The following CCDC28A variants were observed in gnomAD, a reference collection of about 807,000 sequenced individuals.
CCDC28A encodes the protein coiled-coil domain-containing protein 28A.
Under a neutral mutation model 22.1 loss-of-function variants are expected in CCDC28A, and 24 were observed. The ratio of observed to expected loss-of-function variants is 1.09; its 90% confidence interval spans 0.79 to 1.53. CCDC28A has a LOEUF of 1.53. Among genes scored for constraint, CCDC28A ranks in the 40% most tolerant of loss-of-function variants. The pLI, the probability that CCDC28A is intolerant of heterozygous loss-of-function variation, is 0.00. For missense variants in CCDC28A, 170 were observed against 210.7 expected (o/e 0.81, Z 1.20); for synonymous variants, 83 against 74.7 (o/e 1.11, Z -0.57).
Position 138,792,736 on chromosome 6 carries a change from CTGAT to C in CCDC28A, c.501-11_501-8del, listed in dbSNP as rs774693463. On this transcript the variant is annotated splice_polypyrimidine_tract_variant and intron_variant, in intron 5 of 5. Transcript: ENST00000617445. ...CCTTATAGAATGAAAATCTTCTTAACTGATTAATTCAGACAAAAACTCCATTTGG... is the reference window on the plus strand; with the variant it reads ...CCTTATAGAATGAAAATCTTCTTAACTAATTCAGACAAAAACTCCATTTGG... The C allele has an allele frequency of 6.4e-7, 1 of 1,570,494 alleles. No individual in the cohort carries two copies. Among genetic ancestry groups the C allele is most frequent in the Non-Finnish European group, 8.7e-7 (1 of 1,144,298 alleles).
Position 138,776,290 on chromosome 6 carries a change from T to C in CCDC28A, c.158+12T>C, listed in dbSNP as rs954116457. Reference sequence around the variant, plus strand: ...CCAAAGTTAAAAAGGTGAATTCTTTTATTTTACATGTTCACAGTAAAATGC... The same window carrying C: ...CCAAAGTTAAAAAGGTGAATTCTTTCATTTTACATGTTCACAGTAAAATGC... On this transcript the variant is annotated intron_variant, in intron 2 of 5. Transcript: ENST00000617445. 1.9e-6 allele frequency: 3 copies of C among 1,591,048 alleles called. No homozygotes were observed. The highest frequency in any genetic ancestry group is 1.7e-5 in the Admixed American group (1 of 59,996).
intron 4 of CCDC28A, among the ~76,000 whole-genome samples, chr6:138,786,199 T>C (rs762810349): frequency 1.2e-4 from 18 of 152,316 alleles, no homozygotes; most frequent in East Asian, 7.7e-4. Flanking sequence ...GCCAGTCACA[T>C]TGGATGAGAG....
At chr6:138,773,954 C>G in intron 1 of CCDC28A, 52 bp downstream of exon 1, 1 of 1,596,314 alleles carries the variant, frequency 6.3e-7, no homozygotes, top group Non-Finnish European at 8.5e-7. Flanking sequence ...TAGGCCCTTC[C>G]CACCACTCTG....
Position 138,785,207 on chromosome 6 carries a change from T to C in CCDC28A, c.323-20T>C. ...TTTGAACTGTCCTAATCATTATTAA[T>C]GTTCTGGAATGTTCCCAAGGAAATG... On this transcript the variant is annotated intron_variant, in intron 3 of 5. Transcript: ENST00000617445. The C allele has an allele frequency of 2.5e-6, 4 of 1,597,140 alleles. No individual in the cohort carries two copies. The South Asian group carries it at 3.3e-5, about 13-fold the overall frequency.
chr6:138,783,321 G>A (rs1051815645), intron 3 of CCDC28A, among the ~76,000 whole-genome samples: 2 of 143,620 alleles, frequency 1.4e-5, no homozygotes, highest in African/African-American at 5.2e-5. Context: ...AGGCTGGAGT[G>A]CAGTGGTATG....
intron 1 of CCDC28A, among the ~76,000 whole-genome samples, chr6:138,775,079 A>G (rs902919357): frequency 1.3e-5 from 2 of 152,214 alleles, no homozygotes; most frequent in Admixed American, 6.5e-5. Context: ...AGCTGGGACT[A>G]CAGGCGCCCG....
chr6:138,780,231 TAA>T (rs1471817373), intron 3 of CCDC28A, among the ~76,000 whole-genome samples: 1 of 152,226 alleles, frequency 6.6e-6, no homozygotes, highest in Non-Finnish European at 1.5e-5. Flanking sequence ...CATTATGGAA[TAA>T]GTATCTTGCA....
rs1314395544 is a variant in CCDC28A at position 138,779,817 on chromosome 6, T to G, written c.159-5T>G. On this transcript the variant is annotated splice_polypyrimidine_tract_variant and splice_region_variant and intron_variant, in intron 2 of 5. Transcript: ENST00000617445. The stretch of plus-strand genomic sequence containing the variant: ...TAAAAAGCCTAAATTTCATCGTCTT[T>G]ACAGAGTGATGAAAGAAAAGACCAA... The G allele has an allele frequency of 6.2e-7, 1 of 1,608,964 alleles. No individual in the cohort carries two copies. Among genetic ancestry groups the G allele is most frequent in the Non-Finnish European group, 8.5e-7 (1 of 1,178,134 alleles).
chr6:138,780,733 A>G (rs1248383395), intron 3 of CCDC28A, among the ~76,000 whole-genome samples: 1 of 151,814 alleles, frequency 6.6e-6, no homozygotes, highest in Non-Finnish European at 1.5e-5. Context: ...TGCCACGGCC[A>G]GCTAATTTTT....
intron 5 of CCDC28A, 80 bp downstream of exon 5, chr6:138,788,468 G>T: frequency 1.5e-6 from 1 of 650,356 alleles, no homozygotes; most frequent in Non-Finnish European, 2.5e-6. Flanking sequence ...GTTTTAGAAA[G>T]ATGTGTTATT....
chr6:138,787,778 C>T (rs924744426), intron 4 of CCDC28A, among the ~76,000 whole-genome samples: 5 of 151,940 alleles, frequency 3.3e-5, no homozygotes, highest in Admixed American at 6.6e-5. Context: ...AGTCCTCTCC[C>T]CTCAGCCTTC....
At chr6:138,780,665 C>T (rs1215860566) in intron 3 of CCDC28A, among the ~76,000 whole-genome samples, 1 of 150,278 alleles carries the variant, frequency 6.7e-6, no homozygotes, top group Admixed American at 6.7e-5. Context: ...ACCTCCACCT[C>T]TCGGGTTCAA....
At chr6:138,783,951 A>G (rs1200385941) in intron 3 of CCDC28A, among the ~76,000 whole-genome samples, 1 of 141,082 alleles carries the variant, frequency 7.1e-6, no homozygotes, top group Non-Finnish European at 1.5e-5. Flanking sequence ...ATCATGGTTC[A>G]CTGCAGCCTC....
intron 1 of CCDC28A, among the ~76,000 whole-genome samples, chr6:138,774,929 AG>A (rs1208275760): frequency 6.8e-6 from 1 of 147,840 alleles, no homozygotes; most frequent in Non-Finnish European, 1.5e-5. Flanking sequence ...AAAGTATGGA[AG>A]GGGTTTTTTT....
rs1345772429 is a variant in CCDC28A at position 138,781,252 on chromosome 6, T to C, written c.322+1267T>C. Among the ~76,000 whole-genome samples, 3 of 152,264 alleles carry C rather than the reference T, an allele frequency of 2.0e-5. No homozygotes were observed. The East Asian group carries it at 5.8e-4, about 29-fold the overall frequency. On this transcript the variant is annotated intron_variant, in intron 3 of 5. Coordinates refer to ENST00000617445, the MANE Select transcript of CCDC28A (RefSeq NM_015439.3). Reference sequence around the variant, plus strand: ...CCTAGGATTGCTCTAGTTCATTCTTTTTTAATGGCAACATAATATTCCAAG... The same window carrying C: ...CCTAGGATTGCTCTAGTTCATTCTTCTTTAATGGCAACATAATATTCCAAG...
intron 3 of CCDC28A, among the ~76,000 whole-genome samples, chr6:138,781,306 A>G (rs1431070550): frequency 6.6e-6 from 1 of 152,190 alleles, no homozygotes; most frequent in African/African-American, 2.4e-5. Flanking sequence ...TTATTCAACT[A>G]TGTCCCTATT....
chr6:138,774,660 A>G (rs1418325060), intron 1 of CCDC28A, among the ~76,000 whole-genome samples: 1 of 152,256 alleles, frequency 6.6e-6, no homozygotes, highest in African/African-American at 2.4e-5. Flanking sequence ...TTTAAATTCC[A>G]GTGCCAGTGG....
At chr6:138,779,790 C>T in intron 2 of CCDC28A, 32 bp from the exon 3 acceptor site, 1 of 1,560,062 alleles carries the variant, frequency 6.4e-7, no homozygotes, top group Non-Finnish European at 8.7e-7. Context: ...TCTAGAATAG[C>T]CTAAAAAGCC....
Position 138,773,820 on chromosome 6 carries a change from T to C in CCDC28A, c.-125T>C. ...GGGTCCCGGGATGTGACCGGGGCTC[T>C]GCTTGTGGCTGCGGCGGTGGCTTCT... is the stretch of plus-strand genomic sequence containing the variant. On this transcript the variant is annotated 5_prime_UTR_variant, in exon 1 of 6. Transcript: ENST00000617445. 6.2e-7 allele frequency: 1 copy of C among 1,614,146 alleles called. No homozygotes were observed. The highest frequency in any genetic ancestry group is 1.1e-5 in the South Asian group (1 of 91,082).
Sources: allele counts gnomAD v4.1 joint callset (sites outside exome capture counted in the v4.1 genomes callset), GRCh38; gene constraint gnomAD v4.1.1; transcripts MANE v1.5; gene names NCBI Gene and HGNC (gene_info 2026-07-23, HGNC 2026-07-21).